Variants in PRKCI observed in about 807,000 individuals in gnomAD.
PRKCI encodes the protein protein kinase C iota.
A neutral mutation model predicts 84.0 loss-of-function variants in PRKCI; 43 were observed. The observed-to-expected ratio is 0.51, with a 90% CI of 0.40 to 0.66. The LOEUF is 0.66. Ranked by LOEUF, PRKCI falls within the 30% of genes least tolerant of loss-of-function variation. The probability of loss-of-function intolerance (pLI) is 0.00; values close to 1 mark genes in which losing one functional copy is unlikely to be tolerated. For missense variants in PRKCI, 459 were observed against 745.6 expected (o/e 0.62, Z 4.48); for synonymous variants, 216 against 234.4 (o/e 0.92, Z 0.72).
intron 2 of PRKCI, among the ~76,000 whole-genome samples, chr3:170,254,788 C>G (rs1376317026): frequency 6.6e-6 from 1 of 152,040 alleles, no homozygotes; most frequent in Non-Finnish European, 1.5e-5. Context: ...TTTGTTCAGG[C>G]TAGCTTTGGC....
At chr3:170,249,099 C>T (rs968474659) in intron 2 of PRKCI, among the ~76,000 whole-genome samples, 3 of 152,054 alleles carry the variant, frequency 2.0e-5, no homozygotes, top group African/African-American at 4.8e-5. Flanking sequence ...CTGCCCACCT[C>T]GGTCTCCCAA....
At chr3:170,279,427 C>T (rs1343088462) in intron 8 of PRKCI, among the ~76,000 whole-genome samples, 2 of 152,156 alleles carry the variant, frequency 1.3e-5, no homozygotes, top group Non-Finnish European at 2.9e-5. Flanking sequence ...TTATCTTTCT[C>T]AAAATTTACT....
At chr3:170,224,066 CT>C (rs1732568247) in intron 1 of PRKCI, among the ~76,000 whole-genome samples, 1 of 112,208 alleles carries the variant, frequency 8.9e-6, no homozygotes, top group African/African-American at 3.4e-5. Context: ...TCCCTCCCCC[CT>C]CCCCCCACCC....
rs1245862260 is a variant in PRKCI, at chr3:170,304,206, T to A, written c.*1079T>A. ...ACCAAGGATGCAGTTGAATGGAAAA[T>A]TACTCAGTGTATAGAAAGGAAAAAA... On this transcript the variant is annotated 3_prime_UTR_variant, in exon 18 of 18. Transcript: ENST00000295797. The A allele has an allele frequency of 6.6e-6, 1 of 152,104 alleles. No homozygotes were observed. The highest frequency in any genetic ancestry group is 1.5e-5 in the Non-Finnish European group (1 of 68,012). 9.4% of individuals were successfully genotyped at this position (152,104 alleles called of 1,614,324 possible). A position where few individuals can be genotyped will look rare whatever the true frequency, so the allele number is the denominator to read the frequency against.
In PRKCI at chr3:170,292,065, C is replaced by T. The variant is rs1424150478; in HGVS notation, c.1291+124C>T. Reference sequence around the variant, plus strand: ...TCTTATTAATATAAGGATTCTTGATCCTGTTAAAAACTACATGGAGAGTCC... The same window carrying T: ...TCTTATTAATATAAGGATTCTTGATTCTGTTAAAAACTACATGGAGAGTCC... On this transcript the variant is annotated intron_variant, in intron 13 of 17. Transcript: ENST00000295797. 11 of 740,354 alleles carry T rather than the reference C, an allele frequency of 1.5e-5. No individual in the cohort carries two copies. The East Asian group carries it at 2.8e-4, about 19-fold the overall frequency. 45.9% of individuals were successfully genotyped at this position (740,354 alleles called of 1,614,324 possible). A position where few individuals can be genotyped will look rare whatever the true frequency, so the allele number is the denominator to read the frequency against.
Position 170,254,990 on chromosome 3 carries a change from T to A in PRKCI, c.224-4979T>A, listed in dbSNP as rs183758889. 1.3e-4 allele frequency among the ~76,000 whole-genome samples: 19 copies of A among 151,670 alleles called. No homozygotes were observed. In the East Asian group the frequency reaches 3.7e-3, roughly 29 times the overall value. On this transcript the variant is annotated intron_variant, in intron 2 of 17. Transcript: ENST00000295797. Reference sequence around the variant, plus strand: ...TCTTTCCTTTTTTTTTTTTAATGTGTATGTCTTCTTCAGTTTCTTGTATCA... The same window carrying A: ...TCTTTCCTTTTTTTTTTTTAATGTGAATGTCTTCTTCAGTTTCTTGTATCA...
chr3:170,287,549 G>A (rs1734425386), intron 12 of PRKCI, among the ~76,000 whole-genome samples: 1 of 151,634 alleles, frequency 6.6e-6, no homozygotes, highest in Non-Finnish European at 1.5e-5. Context: ...GTACACTAAT[G>A]CATTTTAATA....
At chr3:170,279,409 G>A (rs1202817348) in intron 8 of PRKCI, among the ~76,000 whole-genome samples, 3 of 152,052 alleles carry the variant, frequency 2.0e-5, no homozygotes, top group African/African-American at 7.2e-5. Context: ...TTGTGCTTGC[G>A]GGTTTCTTTA....
chr3:170,228,471 A>G (rs1409123529), intron 1 of PRKCI, among the ~76,000 whole-genome samples: 1 of 151,986 alleles, frequency 6.6e-6, no homozygotes, highest in East Asian at 1.9e-4. Flanking sequence ...AGCTACTAGG[A>G]GGGCGAGGTG....
At chr3:170,262,066 T>G (rs866462404) in intron 3 of PRKCI, among the ~76,000 whole-genome samples, 1 of 152,232 alleles carries the variant, frequency 6.6e-6, no homozygotes, top group African/African-American at 2.4e-5. Context: ...TAGTCTGTGC[T>G]CTTTATTAAA....
rs375034740 is a variant in PRKCI at position 170,268,007 on chromosome 3, A to G, written c.450+7A>G. 5.6e-6 allele frequency: 9 copies of G among 1,600,596 alleles called. No homozygotes were observed. Among genetic ancestry groups the G allele is most frequent in the Admixed American group, 3.4e-5 (2 of 58,514 alleles). On this transcript the variant is annotated splice_region_variant and intron_variant, in intron 5 of 17. Transcript: ENST00000295797. The stretch of plus-strand genomic sequence containing the variant: ...AGCCAAGCGTTTCAACAGGGTAAAC[A>G]TAGTTTGTTGAATGTCGATAATGTG...
At chr3:170,258,782 CT>C (rs1218986528) in intron 2 of PRKCI, among the ~76,000 whole-genome samples, 3 of 152,164 alleles carry the variant, frequency 2.0e-5, no homozygotes, top group Non-Finnish European at 2.9e-5. Context: ...TTCTTCAGTA[CT>C]TTTGTAGCTT....
chr3:170,258,408 C>G (rs1160154694), intron 2 of PRKCI, among the ~76,000 whole-genome samples: 3 of 151,850 alleles, frequency 2.0e-5, no homozygotes. Context: ...TAGGTTCAAG[C>G]GATTCTTCTG....
intron 7 of PRKCI, among the ~76,000 whole-genome samples, chr3:170,274,251 C>T (rs1193939578): frequency 6.6e-6 from 1 of 152,150 alleles, no homozygotes; most frequent in Non-Finnish European, 1.5e-5. Flanking sequence ...CCTGCCTCAG[C>T]CTCCTGAGCA....
intron 15 of PRKCI, among the ~76,000 whole-genome samples, chr3:170,296,483 C>G (rs989467610): frequency 6.6e-6 from 1 of 152,124 alleles, no homozygotes; most frequent in East Asian, 1.9e-4. Flanking sequence ...ATGTGAACAT[C>G]ATTCAATTGT....
At chr3:170,266,027 T>G (rs1733850392) in intron 4 of PRKCI, among the ~76,000 whole-genome samples, 1 of 152,212 alleles carries the variant, frequency 6.6e-6, no homozygotes. Flanking sequence ...CTATATTTGC[T>G]TTAAAATATG....
At position 170,303,219 on chromosome 3, in the gene PRKCI, T is replaced by G; in HGVS notation, c.*92T>G. On this transcript the variant is annotated 3_prime_UTR_variant, in exon 18 of 18. Coordinates refer to ENST00000295797, the MANE Select transcript of PRKCI (RefSeq NM_002740.6). Reference sequence around the variant, plus strand: ...CCTGGATACAATTAACCATTTTATATTTGCCACCTACAAAAAAACACCCAA... The same window carrying G: ...CCTGGATACAATTAACCATTTTATAGTTGCCACCTACAAAAAAACACCCAA... 1 of 883,784 alleles carries G rather than the reference T, an allele frequency of 1.1e-6. No individual in the cohort carries two copies. The highest frequency in any genetic ancestry group is 1.7e-6 in the Non-Finnish European group (1 of 590,106). The allele number at this position is 883,784 out of a possible 1,614,324, so 54.7% of individuals were successfully genotyped here.
At chr3:170,231,309 T>C (rs1346433243) in intron 1 of PRKCI, among the ~76,000 whole-genome samples, 1 of 152,140 alleles carries the variant, frequency 6.6e-6, no homozygotes, top group Non-Finnish European at 1.5e-5. Context: ...GGGGTCTTCT[T>C]GTAGACCTAT....
intron 2 of PRKCI, among the ~76,000 whole-genome samples, chr3:170,241,329 C>T (rs1383707727): frequency 6.6e-6 from 1 of 152,160 alleles, no homozygotes; most frequent in African/African-American, 2.4e-5. Context: ...TTAACTGGCA[C>T]CTCCTTTCTC....
Sources: gnomAD v4.1 joint callset for allele counts (sites outside exome capture counted in the v4.1 genomes callset) on GRCh38, gnomAD v4.1.1 for gene constraint, MANE v1.5 for transcripts, NCBI Gene and HGNC (gene_info 2026-07-23, HGNC 2026-07-21) for gene names.